The following CFAP251 variants were observed in gnomAD, a reference collection of about 807,000 sequenced individuals.
CFAP251 encodes cilia and flagella associated protein 251.
CFAP251 carries 93 observed loss-of-function variants against 126.7 expected under a neutral mutation model. The ratio of observed to expected loss-of-function variants is 0.73; its 90% CI spans 0.62 to 0.87. CFAP251 has a LOEUF of 0.87. Ranked by LOEUF, CFAP251 falls within the 40% of genes least tolerant of loss-of-function variation. CFAP251 has a pLI of 0.00. For missense variants in CFAP251, 1,287 were observed against 1,389.2 expected (o/e 0.93, Z 1.17); for synonymous variants, 503 against 506.9 (o/e 0.99, Z 0.10).
chr12:121,960,819 C>T (rs1881907340), intron 14 of CFAP251, 61 bp downstream of exon 14: 1 of 1,571,468 alleles, frequency 6.4e-7, no homozygotes, highest in Non-Finnish European at 8.7e-7. Flanking sequence ...TTGTGACATC[C>T]CTGGCATCTT....
chr12:121,946,775 C>T (rs1211586367), intron 7 of CFAP251, among the ~76,000 whole-genome samples: 1 of 151,454 alleles, frequency 6.6e-6, no homozygotes, highest in Non-Finnish European at 1.5e-5. Flanking sequence ...GATGGGGTCT[C>T]GCTGTGTTGC....
Position 121,962,168 on chromosome 12 carries a change from C to T in CFAP251, c.2492+6C>T, listed in dbSNP as rs760506666. On this transcript the variant is annotated splice_donor_region_variant and intron_variant, in intron 15 of 21. Coordinates refer to ENST00000288912, the MANE Select transcript of CFAP251 (RefSeq NM_144668.6). ...GCTACTACCAAAATGTGCAGGTAAG[C>T]ACCCGGAGCTTCCCATTGCAGGGGG... 1 of 1,611,356 alleles carries T rather than the reference C, an allele frequency of 6.2e-7. No homozygotes were observed. The highest frequency in any genetic ancestry group is 1.1e-5 in the South Asian group (1 of 90,766).
At chr12:122,002,958 A>C (rs2135822750) in intron 21 of CFAP251, among the ~76,000 whole-genome samples, 1 of 152,296 alleles carries the variant, frequency 6.6e-6, no homozygotes, top group Non-Finnish European at 1.5e-5. Flanking sequence ...AGTAGCTAAC[A>C]GGTCATTCCC....
rs1881799982 is a variant in CFAP251 at position 121,958,310 on chromosome 12, A to G, written c.1769A>G (p.His590Arg). Residue 590 changes from histidine to arginine, a missense_variant, in exon 12 of 22, where the codon CAC becomes CGC. By Grantham distance (29) the His-to-Arg change is conservative. Coordinates refer to ENST00000288912, the MANE Select transcript of CFAP251 (RefSeq NM_144668.6). ...IIGTSDAAVY[H>R]LTTDGTKLEK... ...GGAACATCTGATGCCGCGGTGTACC[A>G]CTTAACAACAGATGGGACCAAACTT... 3.7e-6 allele frequency: 6 copies of G among 1,614,074 alleles called. No individual in the cohort carries two copies. The highest frequency in any genetic ancestry group is 2.7e-5 in the African/African-American group (2 of 74,924).
chr12:121,985,030 T>G (rs1196236637), intron 19 of CFAP251, among the ~76,000 whole-genome samples: 2 of 152,198 alleles, frequency 1.3e-5, no homozygotes, highest in Non-Finnish European at 2.9e-5. Context: ...GCAGAGACAG[T>G]GAGGAAGACA....
chr12:122,003,688 A>T lies in CFAP251; in HGVS notation c.3374A>T (p.Glu1125Val). The T allele has an allele frequency of 6.2e-7, 1 of 1,610,644 alleles. No homozygotes were observed. Among genetic ancestry groups the T allele is most frequent in the South Asian group, 1.1e-5 (1 of 90,016 alleles). Residue 1125 changes from glutamate to valine, a missense_variant, in exon 22 of 22, where the codon GAA becomes GTA. Glu to Val is a moderately radical substitution (Grantham distance 121). Transcript: ENST00000288912. ...EICLEEELPD[E>V]ITAEIFATEI... ...TGCCTTGAAGAAGAACTTCCAGACG[A>T]AATCACTGCAGAAATATTCGCGACT... is the stretch of plus-strand genomic sequence containing the variant.
Position 121,974,859 on chromosome 12 carries a change from G to A in CFAP251, c.2772-385G>A, listed in dbSNP as rs1297099868. On this transcript the variant is annotated intron_variant, in intron 17 of 21. Transcript: ENST00000288912. The surrounding 1 kb of genome is among the most constrained non-coding windows in gnomAD (Gnocchi z 4.6). ...TACAATATCCCATTCTTTTGACTCTGATCGTTCGTGGATCTAAAGTTACGG... is the reference window on the plus strand; with the variant it reads ...TACAATATCCCATTCTTTTGACTCTAATCGTTCGTGGATCTAAAGTTACGG... Among the ~76,000 whole-genome samples the A allele has an allele frequency of 6.6e-6, 1 of 152,136 alleles. No individual in the cohort carries two copies. The highest frequency in any genetic ancestry group is 6.6e-5 in the Admixed American group (1 of 15,260).
rs1281655993 is a variant in CFAP251 at position 121,921,459 on chromosome 12, G to C, written c.154G>C (p.Glu52Gln). 2 of 1,612,722 alleles carry C rather than the reference G, an allele frequency of 1.2e-6. No individual in the cohort carries two copies. The highest frequency in any genetic ancestry group is 3.3e-5 in the Admixed American group (2 of 59,856). The part of the protein sequence containing the change: ...DDTIAWRESQ[E>Q]EERKTGEEEG... ...CACAATAGCATGGAGAGAGTCTCAGGAGGAGGAGAGGAAAACGGGCGAGGA... is the reference window on the plus strand; with the variant it reads ...CACAATAGCATGGAGAGAGTCTCAGCAGGAGGAGAGGAAAACGGGCGAGGA... Residue 52 changes from glutamate (E) to glutamine (Q), a missense_variant, in exon 2 of 22, where the codon GAG becomes CAG. Glu to Gln is a conservative substitution (Grantham distance 29). Coordinates refer to ENST00000288912, the MANE Select transcript of CFAP251 (RefSeq NM_144668.6).
chr12:121,965,930 C>A (rs1473656314), intron 15 of CFAP251, among the ~76,000 whole-genome samples: 2 of 150,660 alleles, frequency 1.3e-5, no homozygotes, highest in African/African-American at 4.9e-5. Context: ...AACAATGCTC[C>A]CACCTTAGCC....
intron 19 of CFAP251, chr12:121,992,409 TGAGTG>T: frequency 1.0e-6 from 1 of 985,386 alleles, no homozygotes; most frequent in Non-Finnish European, 1.2e-6. Flanking sequence ...AATCACATGC[TGAGTG>T]GTTTGTGCTG....
chr12:121,956,307 C>T (rs1881725771), intron 10 of CFAP251, among the ~76,000 whole-genome samples: 1 of 152,080 alleles, frequency 6.6e-6, no homozygotes, highest in African/African-American at 2.4e-5. Context: ...GAGTGTAAAT[C>T]CTTGTCCACC....
chr12:121,921,595 C>A lies in CFAP251; in HGVS notation c.290C>A (p.Thr97Lys). The change falls in exon 2 of 22, where the codon ACA becomes AAA. Residue 97 changes from threonine (T) to lysine (K), a missense_variant. Transcript: ENST00000288912. ...GCTTCAGGAATACAGGAAGAAACCA[C>A]AGTAGAGCCCCAAGAAGTCACAGCG... ...KEASGIQEET[T>K]VEPQEVTASM... 1.2e-6 allele frequency: 2 copies of A among 1,614,134 alleles called. No individual in the cohort carries two copies. The highest frequency in any genetic ancestry group is 1.7e-6 in the Non-Finnish European group (2 of 1,180,026).
Position 121,942,950 on chromosome 12 carries a change from A to G in CFAP251, c.1166A>G (p.Glu389Gly). ...GTGGAAACGCCAGCATGCACTCTCG[A>G]ACTCCCCACAGAGTACGGTGTTCAG... ...LAVETPACTL[E>G]LPTEYGVQNY... The change falls in exon 7 of 22, where the codon GAA becomes GGA. Residue 389 changes from glutamate to glycine, a missense_variant. Glu to Gly is a moderately conservative substitution (Grantham distance 98). Transcript: ENST00000288912. The G allele has an allele frequency of 1.2e-6, 2 of 1,614,120 alleles. No homozygotes were observed.
chr12:121,986,800 G>T (rs928546896), intron 19 of CFAP251, among the ~76,000 whole-genome samples: 1 of 151,898 alleles, frequency 6.6e-6, no homozygotes, highest in Non-Finnish European at 1.5e-5. Flanking sequence ...CCATCTAGGG[G>T]TTCTATAAAT....
chr12:121,975,959 C>T (rs932706420), intron 19 of CFAP251, among the ~76,000 whole-genome samples: 7 of 151,536 alleles, frequency 4.6e-5, no homozygotes, highest in East Asian at 1.9e-4. Flanking sequence ...CTGGGGCTGC[C>T]GTCTCAGCCC....
chr12:121,947,195 C>A (rs929923520), intron 7 of CFAP251, among the ~76,000 whole-genome samples: 3 of 152,116 alleles, frequency 2.0e-5, no homozygotes, highest in African/African-American at 7.2e-5. Context: ...GTCTTCCTTT[C>A]CTGCTGACTA....
intron 10 of CFAP251, chr12:121,955,606 T>C (rs1405075839): frequency 6.6e-6 from 1 of 152,302 alleles, no homozygotes; most frequent in East Asian, 1.9e-4. Flanking sequence ...GAAAATTGCC[T>C]AGTGATGGGG....
In CFAP251 at chr12:121,999,853, C is replaced by A. The variant is rs763237123; in HGVS notation, c.3144C>A (p.Ile1048=). The A allele has an allele frequency of 2.5e-6, 4 of 1,614,074 alleles. No individual in the cohort carries two copies. Among genetic ancestry groups the A allele is most frequent in the Non-Finnish European group, 3.4e-6 (4 of 1,180,034 alleles). ...KPPFGNTMSG[I]HKSFEVLGYT... ...CTTTTGGTAACACCATGAGTGGCAT[C>A]CACAAGAGCTTTGAGGTGCTCGGTT... is the stretch of plus-strand genomic sequence containing the variant. Residue 1048 remains isoleucine, a synonymous_variant, in exon 20 of 22, where the codon ATC becomes ATA. Coordinates refer to ENST00000288912, the MANE Select transcript of CFAP251 (RefSeq NM_144668.6).
chr12:121,986,732 C>T (rs1882758055), intron 19 of CFAP251, among the ~76,000 whole-genome samples: 1 of 150,876 alleles, frequency 6.6e-6, no homozygotes, highest in South Asian at 2.1e-4. Context: ...CCATTGCTCT[C>T]CAGTATGGGC....
Sources: gnomAD v4.1 joint callset for allele counts (sites outside exome capture counted in the v4.1 genomes callset) on GRCh38, gnomAD v4.1.1 for gene constraint, Gnocchi (gnomAD v3.1) non-coding constraint, MANE v1.5 for transcripts, NCBI Gene and HGNC (gene_info 2026-07-23, HGNC 2026-07-21) for gene names.